Variants in PSMA1 observed in about 807,000 individuals in gnomAD.
PSMA1 encodes the protein proteasome subunit alpha type-1.
A neutral mutation model predicts 38.4 loss-of-function variants in PSMA1; 3 were observed. The observed-to-expected ratio is 0.08, with a 90% confidence interval of 0.04 to 0.20. The LOEUF is 0.20. Ranked by LOEUF, PSMA1 falls within the 10% of genes least tolerant of loss-of-function variation. The pLI is 1.00. For synonymous variants in PSMA1, 101 were observed against 107.1 expected, an observed-to-expected ratio of 0.94 and a Z score of 0.35; for missense variants, 227 against 325.3, an observed-to-expected ratio of 0.70 and a Z score of 2.32.
chr11:14,632,003 G>C (rs1210665534), intron 1 of PSMA1, among the ~76,000 whole-genome samples: 1 of 139,998 alleles, frequency 7.1e-6, no homozygotes, highest in South Asian at 2.5e-4. Context: ...GCCTTTTTTT[G>C]TTTTCCATTG....
upstream of PSMA1, chr11:14,520,520 G>C: frequency 7.1e-7 from 1 of 1,413,048 alleles, no homozygotes; most frequent in Non-Finnish European, 9.3e-7. Context: ...GGAAGATCTA[G>C]GAACTGAGAC....
intron 2 of PSMA1, among the ~76,000 whole-genome samples, chr11:14,596,682 A>G (rs963883212): frequency 6.6e-5 from 10 of 152,218 alleles, no homozygotes; most frequent in Non-Finnish European, 1.0e-4. Flanking sequence ...CAATCATGTC[A>G]TCTGCAAACA....
chr11:14,546,923 C>T (rs1026492292), intron 2 of PSMA1, among the ~76,000 whole-genome samples: 2 of 152,112 alleles, frequency 1.3e-5, no homozygotes, highest in African/African-American at 4.8e-5. Flanking sequence ...TAGAGGGGTG[C>T]TTACCAGAAC....
At chr11:14,621,844 G>C (rs959424310) in intron 1 of PSMA1, among the ~76,000 whole-genome samples, 1 of 152,128 alleles carries the variant, frequency 6.6e-6, no homozygotes, top group South Asian at 2.1e-4. Context: ...TATCATATCT[G>C]ATGGTTCTCT....
intron 2 of PSMA1, among the ~76,000 whole-genome samples, chr11:14,547,811 C>T (rs180698560): frequency 1.3e-4 from 20 of 152,270 alleles, no homozygotes; most frequent in Admixed American, 4.6e-4. Context: ...AGAGCAGACA[C>T]GATGCTTGCT....
At chr11:14,553,599 T>TC (rs1851912232) in intron 2 of PSMA1, among the ~76,000 whole-genome samples, 1 of 152,170 alleles carries the variant, frequency 6.6e-6, no homozygotes, top group South Asian at 2.1e-4. Context: ...CTTTTTTTTT[T>TC]CACTCAGCAT....
At chr11:14,575,486 A>G (rs1327095175) in intron 2 of PSMA1, among the ~76,000 whole-genome samples, 1 of 148,634 alleles carries the variant, frequency 6.7e-6, no homozygotes, top group Non-Finnish European at 1.5e-5. Context: ...TTCAATTCCC[A>G]CCTACGAGTT....
chr11:14,627,035 C>T lies in PSMA1; in HGVS notation c.-165-15884G>A, dbSNP rs533461546. ...TAGCTTTCAGATAGCCCCCTTCTTG[C>T]TGTGTCTTCATAAGTTTTTTTTCTC... On this transcript the variant is annotated intron_variant, in intron 1 of 10. Transcript: ENST00000418988. Among the ~76,000 whole-genome samples the T allele has an allele frequency of 7.9e-5, 12 of 152,262 alleles. No individual in the cohort carries two copies. In the South Asian group the frequency reaches 1.9e-3, roughly 24 times the overall value.
chr11:14,578,914 T>C (rs1231340458), intron 2 of PSMA1, among the ~76,000 whole-genome samples: 1 of 152,250 alleles, frequency 6.6e-6, no homozygotes, highest in Non-Finnish European at 1.5e-5. Context: ...CTTTAGAGCC[T>C]GGTTTTTGCC....
chr11:14,595,998 G>A (rs140726737), intron 2 of PSMA1, among the ~76,000 whole-genome samples: 1 of 152,142 alleles, frequency 6.6e-6, no homozygotes. Context: ...ATGAAATAGA[G>A]AAATCCTTTC....
At chr11:14,619,238 C>T (rs1474451333) in intron 1 of PSMA1, among the ~76,000 whole-genome samples, 1 of 152,110 alleles carries the variant, frequency 6.6e-6, no homozygotes, top group Admixed American at 6.6e-5. Flanking sequence ...TGCTTGAGCT[C>T]AGGAGTTCAA....
chr11:14,585,180 A>T (rs958848784), intron 2 of PSMA1, among the ~76,000 whole-genome samples: 2 of 152,130 alleles, frequency 1.3e-5, no homozygotes, highest in Admixed American at 1.3e-4. Context: ...TTCCTATACT[A>T]TCCAGGCCTA....
chr11:14,624,545 G>T (rs1260935145), intron 1 of PSMA1, among the ~76,000 whole-genome samples: 2 of 152,168 alleles, frequency 1.3e-5, no homozygotes, highest in Non-Finnish European at 1.5e-5. Flanking sequence ...TGGAGGTCCC[G>T]AGAGGGAGTG....
chr11:14,537,819 A>G (rs1004350764), intron 2 of PSMA1, among the ~76,000 whole-genome samples: 4 of 150,094 alleles, frequency 2.7e-5, no homozygotes, highest in Admixed American at 1.3e-4. Context: ...AGTGATTCTC[A>G]TGCCTCAGCC....
At chr11:14,635,140 C>T (rs575196110) in intron 1 of PSMA1, among the ~76,000 whole-genome samples, 38 of 152,124 alleles carry the variant, frequency 2.5e-4, no homozygotes, top group Middle Eastern at 6.8e-3. Flanking sequence ...TGATGTAAAC[C>T]GTTTCACCTG....
intron 4 of PSMA1, among the ~76,000 whole-genome samples, chr11:14,516,194 C>T (rs954352818): frequency 1.5e-5 from 2 of 134,932 alleles, no homozygotes; most frequent in African/African-American, 5.7e-5. Flanking sequence ...TGGGCGACAG[C>T]GCGAGACTCC....
At chr11:14,565,270 T>G (rs1852056305) in intron 2 of PSMA1, among the ~76,000 whole-genome samples, 1 of 152,190 alleles carries the variant, frequency 6.6e-6, no homozygotes, top group South Asian at 2.1e-4. Context: ...TAGAAAGTTG[T>G]GTCTTTTATC....
At chr11:14,642,408 T>C (rs1853223046) in intron 1 of PSMA1, among the ~76,000 whole-genome samples, 1 of 152,206 alleles carries the variant, frequency 6.6e-6, no homozygotes, top group Non-Finnish European at 1.5e-5. Context: ...ATTTGGGTAA[T>C]ACATTAGAAA....
intron 2 of PSMA1, among the ~76,000 whole-genome samples, chr11:14,586,411 G>A (rs573043781): frequency 4.0e-5 from 6 of 151,532 alleles, no homozygotes; most frequent in Non-Finnish European, 7.4e-5. Flanking sequence ...CAGCCTGGGC[G>A]ACCAAGTGAG....
Sources: gnomAD v4.1 joint callset for allele counts (sites outside exome capture counted in the v4.1 genomes callset) on GRCh38, gnomAD v4.1.1 for gene constraint, MANE v1.5 for transcripts, NCBI Gene and HGNC (gene_info 2026-07-23, HGNC 2026-07-21) for gene names.